Variants in TLN2 observed in about 807,000 individuals in gnomAD.
The protein encoded by TLN2 is talin-2.
In TLN2, 118 loss-of-function variants were observed where a neutral mutation model predicts 294.7. The observed-to-expected ratio is 0.40, with a 90% CI of 0.34 to 0.47. The LOEUF is 0.47. TLN2 is among the 20% of genes least tolerant of loss of function. The probability of loss-of-function intolerance (pLI) is 0.84; values close to 1 mark genes in which losing one functional copy is unlikely to be tolerated. For synonymous variants in TLN2, 1,431 were observed against 1,304.5 expected (o/e 1.10, Z -2.09); for missense variants, 3,083 against 3,282.2 (o/e 0.94, Z 1.48).
At chr15:62,662,790 T>C (rs967455917) in intron 9 of TLN2, among the ~76,000 whole-genome samples, 1 of 148,942 alleles carries the variant, frequency 6.7e-6, no homozygotes, top group African/African-American at 2.5e-5. Context: ...AAAGGGGGAA[T>C]AGGGAGTTGG....
intron 1 of TLN2, among the ~76,000 whole-genome samples, chr15:62,549,605 T>C (rs144007756): frequency 6.6e-6 from 1 of 152,260 alleles, no homozygotes; most frequent in East Asian, 1.9e-4. Context: ...ACTCAAGAGC[T>C]CCAGTCTGGT....
intron 1 of TLN2, among the ~76,000 whole-genome samples, chr15:62,464,175 C>G (rs1194935): frequency 6.6e-6 from 1 of 152,190 alleles, no homozygotes; most frequent in Non-Finnish European, 1.5e-5. Context: ...AACCAACCCA[C>G]ATGTCTATCA....
intron 51 of TLN2, among the ~76,000 whole-genome samples, chr15:62,808,297 G>A (rs1226217202): frequency 1.3e-5 from 2 of 152,126 alleles, no homozygotes; most frequent in African/African-American, 4.8e-5. Flanking sequence ...AGCTATTTCT[G>A]TGTTGCTATA....
intron 1 of TLN2, among the ~76,000 whole-genome samples, chr15:62,518,357 C>T (rs1261581829): frequency 4.6e-5 from 7 of 151,914 alleles, no homozygotes; most frequent in African/African-American, 1.7e-4. Context: ...TTATTTGTGT[C>T]GGAGGCAGGA....
intron 1 of TLN2, among the ~76,000 whole-genome samples, chr15:62,540,903 G>A (rs897945807): frequency 5.9e-5 from 9 of 152,150 alleles, no homozygotes; most frequent in African/African-American, 2.2e-4. Flanking sequence ...GGCACATTGG[G>A]ATCTGGAGGT....
intron 21 of TLN2, among the ~76,000 whole-genome samples, chr15:62,709,654 C>G (rs887849126): frequency 1.3e-5 from 2 of 152,208 alleles, no homozygotes; most frequent in Non-Finnish European, 2.9e-5. Context: ...CCAAACCCAG[C>G]TTACCACTGT....
intron 9 of TLN2, among the ~76,000 whole-genome samples, chr15:62,667,035 G>A (rs918076291): frequency 2.0e-5 from 3 of 151,916 alleles, no homozygotes; most frequent in Admixed American, 2.0e-4. Context: ...GCATGATCTC[G>A]GCTCACTGCA....
intron 1 of TLN2, among the ~76,000 whole-genome samples, chr15:62,467,915 A>G (rs2037235457): frequency 6.6e-6 from 1 of 152,172 alleles, no homozygotes; most frequent in Non-Finnish European, 1.5e-5. Flanking sequence ...TTCTGCATCT[A>G]AAATTTCTGG....
At chr15:62,434,690 C>T (rs946015449) in intron 1 of TLN2, among the ~76,000 whole-genome samples, 6 of 152,180 alleles carry the variant, frequency 3.9e-5, no homozygotes, top group African/African-American at 7.2e-5. Flanking sequence ...TGTCAGACTG[C>T]CTATATTTGC....
intron 54 of TLN2, among the ~76,000 whole-genome samples, chr15:62,826,101 CT>C (rs2068173913): frequency 6.6e-6 from 1 of 151,208 alleles, no homozygotes; most frequent in Admixed American, 6.6e-5. Context: ...TTGTCAGATC[CT>C]TCACAGACAC....
intron 1 of TLN2, among the ~76,000 whole-genome samples, chr15:62,454,306 G>T (rs2036332586): frequency 6.6e-6 from 1 of 152,188 alleles, no homozygotes; most frequent in Non-Finnish European, 1.5e-5. Flanking sequence ...AGGTGAGGGG[G>T]CACTTCGGGA....
chr15:62,508,856 C>T (rs1396871445), intron 1 of TLN2, among the ~76,000 whole-genome samples: 2 of 152,084 alleles, frequency 1.3e-5, no homozygotes, highest in Non-Finnish European at 2.9e-5. Context: ...TTAATCTCTT[C>T]CTTTTGTGAA....
At chr15:62,451,514 A>G (rs1479147036) in intron 1 of TLN2, among the ~76,000 whole-genome samples, 1 of 152,150 alleles carries the variant, frequency 6.6e-6, no homozygotes, top group Non-Finnish European at 1.5e-5. Context: ...AAAATTAGCT[A>G]GGCATGGTGG....
chr15:62,610,786 G>A (rs560225009), intron 2 of TLN2, among the ~76,000 whole-genome samples: 1 of 152,322 alleles, frequency 6.6e-6, no homozygotes, highest in South Asian at 2.1e-4. Context: ...GGGGTCACAA[G>A]TAAATTTTAA....
intron 1 of TLN2, among the ~76,000 whole-genome samples, chr15:62,560,527 A>G (rs745714543): frequency 1.3e-5 from 2 of 152,156 alleles, no homozygotes; most frequent in South Asian, 2.1e-4. Flanking sequence ...GGGTTTCATC[A>G]TATTGGCCGG....
chr15:62,465,939 C>G (rs2037111246), intron 1 of TLN2, among the ~76,000 whole-genome samples: 1 of 152,180 alleles, frequency 6.6e-6, no homozygotes, highest in African/African-American at 2.4e-5. Context: ...AGTCCAGGAA[C>G]TCCTTGTGTC....
intron 1 of TLN2, among the ~76,000 whole-genome samples, chr15:62,398,443 G>T (rs535731120): frequency 3.9e-5 from 6 of 152,296 alleles, no homozygotes; most frequent in African/African-American, 1.4e-4. Context: ...ACCGCAGAGA[G>T]TGGGGTGCTG....
intron 21 of TLN2, among the ~76,000 whole-genome samples, chr15:62,709,387 G>A (rs1272293571): frequency 6.6e-6 from 1 of 152,182 alleles, no homozygotes. Flanking sequence ...TGGCCCTGGG[G>A]TGATCCACGC....
At chr15:62,741,321 A>G (rs2061308650) in intron 32 of TLN2, among the ~76,000 whole-genome samples, 1 of 152,218 alleles carries the variant, frequency 6.6e-6, no homozygotes, top group Non-Finnish European at 1.5e-5. Context: ...ATATTAAAAC[A>G]TGAGTGTGAA....
Sources: gnomAD v4.1 joint callset for allele counts (sites outside exome capture counted in the v4.1 genomes callset) on GRCh38, gnomAD v4.1.1 for gene constraint, MANE v1.5 for transcripts, NCBI Gene and HGNC (gene_info 2026-07-23, HGNC 2026-07-21) for gene names.